The following PAPPA2 variants were observed in gnomAD, a reference collection of about 807,000 sequenced individuals.
PAPPA2 encodes the protein pappalysin 2.
A neutral mutation model predicts 176.4 loss-of-function variants in PAPPA2; 86 were observed. The observed-to-expected ratio is 0.49, with a 90% confidence interval of 0.41 to 0.58. The LOEUF is 0.58. Among genes scored for constraint, PAPPA2 ranks in the 20% least tolerant of loss-of-function variants. PAPPA2 has a pLI of 0.00. For missense variants in PAPPA2, 2,073 were observed against 2,256.9 expected (o/e 0.92, Z 1.65); for synonymous variants, 809 against 852.2 (o/e 0.95, Z 0.88).
rs1664413449 is a variant in PAPPA2, at chr1:176,775,419, ATAAG to A, written c.4715+4243_4715+4246del. ...GAGTGAATGAGAACTTTAAACATAT[ATAAG>A]TAATTTTTTTCTAACAATTATCTCA... On this transcript the variant is annotated intron_variant, in intron 17 of 22. Coordinates refer to ENST00000367662, the MANE Select transcript of PAPPA2 (RefSeq NM_020318.3). Among the ~76,000 whole-genome samples, 8 of 152,324 alleles carry A rather than the reference ATAAG, an allele frequency of 5.3e-5. No individual in the cohort carries two copies. In the South Asian group the frequency reaches 1.7e-3, roughly 32 times the overall value.
intron 3 of PAPPA2, among the ~76,000 whole-genome samples, chr1:176,662,350 T>G (rs1163796924): frequency 1.3e-5 from 2 of 152,162 alleles, no homozygotes; most frequent in Non-Finnish European, 2.9e-5. Context: ...GTCACTATTA[T>G]TAGTAGTAAA....
chr1:176,469,210 C>T (rs1651764407), intron 1 of PAPPA2, among the ~76,000 whole-genome samples: 1 of 152,176 alleles, frequency 6.6e-6, no homozygotes, highest in South Asian at 2.1e-4. Context: ...ACTTTTCCTT[C>T]TTCAGGTCTT....
At chr1:176,532,922 C>T (rs957114560) in intron 1 of PAPPA2, among the ~76,000 whole-genome samples, 2 of 152,182 alleles carry the variant, frequency 1.3e-5, no homozygotes, top group African/African-American at 4.8e-5. Flanking sequence ...GGCTTCCAGC[C>T]CCCCTGCTCA....
At chr1:176,755,690 G>A (rs1310013318) in intron 14 of PAPPA2, among the ~76,000 whole-genome samples, 1 of 152,142 alleles carries the variant, frequency 6.6e-6, no homozygotes, top group African/African-American at 2.4e-5. Context: ...TGTGTGTTGG[G>A]AGGAGAAAAG....
rs1324862115 is a variant in PAPPA2 at position 176,613,061 on chromosome 1, A to G, written c.1991+17466A>G. Reference sequence around the variant, plus strand: ...CTGGTAGCCTTGATCTTCTTGATGAAGAAGGCAGTTGTCTCTTGGGAGGGG... The same window carrying G: ...CTGGTAGCCTTGATCTTCTTGATGAGGAAGGCAGTTGTCTCTTGGGAGGGG... On this transcript the variant is annotated intron_variant, in intron 3 of 22. Coordinates refer to ENST00000367662, the MANE Select transcript of PAPPA2 (RefSeq NM_020318.3). Among the ~76,000 whole-genome samples, 4 of 152,318 alleles carry G rather than the reference A, an allele frequency of 2.6e-5. No individual in the cohort carries two copies. The East Asian group carries it at 5.8e-4, about 22-fold the overall frequency.
intron 3 of PAPPA2, among the ~76,000 whole-genome samples, chr1:176,640,413 A>G (rs564289588): frequency 2.8e-4 from 40 of 142,420 alleles, no homozygotes; most frequent in South Asian, 1.5e-3. Flanking sequence ...TCATTGTTCA[A>G]TTCCCACCTA....
intron 14 of PAPPA2, among the ~76,000 whole-genome samples, chr1:176,740,542 C>T (rs1189110190): frequency 3.3e-5 from 5 of 152,258 alleles, no homozygotes; most frequent in Non-Finnish European, 7.4e-5. Flanking sequence ...GTTCCTTAAG[C>T]AATGTATATT....
At position 176,653,148 on chromosome 1, in the gene PAPPA2, C is replaced by T. The variant is rs138613687; in HGVS notation, c.1992-17822C>T. ...TGTTTAGAACACCATCCAACCAATC[C>T]TCCTATGTCTCCCTAGTAAGCCGTT... is the stretch of plus-strand genomic sequence containing the variant. On this transcript the variant is annotated intron_variant, in intron 3 of 22. Transcript: ENST00000367662. Among the ~76,000 whole-genome samples, 57 of 151,750 alleles carry T rather than the reference C, an allele frequency of 3.8e-4. 1 individual carries two copies. In the East Asian group the frequency reaches 9.4e-3, roughly 25 times the overall value.
rs1209972234 is a variant in PAPPA2 at position 176,845,568 on chromosome 1, T to C, written c.*3114T>C. 6.6e-6 allele frequency: 1 copy of C among 152,232 alleles called. No homozygotes were observed. Among genetic ancestry groups the C allele is most frequent in the African/African-American group, 2.4e-5 (1 of 41,464 alleles). The allele number at this position is 152,232 out of a possible 1,614,324, so 9.4% of individuals were successfully genotyped here. ...TACAGCCAGTTATTTTGTAAGATTA[T>C]AAGTTGTTCATTAAAAAATCAGCAC... On this transcript the variant is annotated 3_prime_UTR_variant, in exon 23 of 23. Transcript: ENST00000367662.
At chr1:176,763,361 A>G (rs1663784701) in intron 14 of PAPPA2, among the ~76,000 whole-genome samples, 1 of 152,232 alleles carries the variant, frequency 6.6e-6, no homozygotes, top group African/African-American at 2.4e-5. Flanking sequence ...ACTCAGATCG[A>G]GGCCTTCCTA....
intron 1 of PAPPA2, among the ~76,000 whole-genome samples, chr1:176,494,102 T>C (rs540275802): frequency 2.8e-4 from 43 of 152,342 alleles, no homozygotes; most frequent in African/African-American, 1.0e-3. Flanking sequence ...TAAATTAGAC[T>C]GAAACTTAGA....
intron 2 of PAPPA2, among the ~76,000 whole-genome samples, chr1:176,577,684 T>C (rs1001826746): frequency 6.6e-5 from 10 of 152,022 alleles, no homozygotes; most frequent in Non-Finnish European, 1.5e-5. Context: ...CCTCCTTGGT[T>C]TTTTTATTCC....
Position 176,559,187 on chromosome 1 carries a change from A to T in PAPPA2, c.919+1946A>T, listed in dbSNP as rs148054852. ...TAAAGTGCCCGTCTGAACTCTTTTAACCGTAAGCATGTAAAATTGGGCAGA... is the reference window on the plus strand; with the variant it reads ...TAAAGTGCCCGTCTGAACTCTTTTATCCGTAAGCATGTAAAATTGGGCAGA... On this transcript the variant is annotated intron_variant, in intron 2 of 22. Coordinates refer to ENST00000367662, the MANE Select transcript of PAPPA2 (RefSeq NM_020318.3). 5.5e-3 allele frequency among the ~76,000 whole-genome samples: 840 copies of T among 152,238 alleles called. 5 individuals are homozygous for T. The highest frequency in any genetic ancestry group is 8.6e-3 in the Non-Finnish European group (584 of 68,008).
chr1:176,621,313 C>G (rs1655581965), intron 3 of PAPPA2, among the ~76,000 whole-genome samples: 2 of 151,922 alleles, frequency 1.3e-5, no homozygotes, highest in Admixed American at 1.3e-4. Context: ...GATGACAAGC[C>G]CCAAATCAGA....
At chr1:176,480,386 T>G (rs568538135) in intron 1 of PAPPA2, among the ~76,000 whole-genome samples, 4 of 152,170 alleles carry the variant, frequency 2.6e-5, no homozygotes, top group Admixed American at 6.5e-5. Context: ...CAGGCCTGAT[T>G]CCAGTCCTGA....
At chr1:176,543,781 C>T (rs1650486557) in intron 1 of PAPPA2, among the ~76,000 whole-genome samples, 1 of 152,242 alleles carries the variant, frequency 6.6e-6, no homozygotes, top group Middle Eastern at 3.4e-3. Flanking sequence ...TATTTTCAGC[C>T]CATTAGGTTT....
At chr1:176,653,668 T>C (rs1045595233) in intron 3 of PAPPA2, among the ~76,000 whole-genome samples, 3 of 151,754 alleles carry the variant, frequency 2.0e-5, no homozygotes, top group Admixed American at 1.3e-4. Context: ...TTCCTCCTTA[T>C]AATCTTCCTT....
rs5778907 is a variant in PAPPA2, at chr1:176,518,473, AC to A, written c.-916-36933del. ...CAGGTAAAAAAAAAAAAAAAAACAA[AC>A]AAACTTACCAGAAGACACCCTGAAA... On this transcript the variant is annotated intron_variant, in intron 1 of 22. Transcript: ENST00000367662. Among the ~76,000 whole-genome samples the A allele has an allele frequency of 8.7e-3, 1,322 of 151,952 alleles. 24 individuals carry two copies. Among genetic ancestry groups the A allele is most frequent in the African/African-American group, 0.03 (1,248 of 41,372 alleles).
intron 22 of PAPPA2, among the ~76,000 whole-genome samples, chr1:176,841,240 C>T (rs1400556877): frequency 6.6e-6 from 1 of 152,034 alleles, no homozygotes; most frequent in Non-Finnish European, 1.5e-5. Flanking sequence ...GACAAGATAA[C>T]TTAGGAAAAA....
Sources: gnomAD v4.1 joint callset for allele counts (sites outside exome capture counted in the v4.1 genomes callset) on GRCh38, gnomAD v4.1.1 for gene constraint, MANE v1.5 for transcripts, NCBI Gene and HGNC (gene_info 2026-07-23, HGNC 2026-07-21) for gene names.